The following ATCAY variants were observed in gnomAD, a reference collection of about 807,000 sequenced individuals.
ATCAY encodes ATCAY kinesin light chain interacting caytaxin, also known as caytaxin.
ATCAY carries 22 observed loss-of-function variants against 47.7 expected under a neutral mutation model. That is an observed-to-expected ratio of 0.46 (90% confidence interval 0.33 to 0.66). The LOEUF is 0.66. Among genes scored for constraint, ATCAY ranks in the 30% least tolerant of loss-of-function variants. The pLI, the probability that ATCAY is intolerant of heterozygous loss-of-function variation, is 0.02. For missense variants in ATCAY, 452 were observed against 515.0 expected (o/e 0.88, Z 1.18); for synonymous variants, 216 against 207.6 (o/e 1.04, Z -0.35).
At chr19:3,920,567 T>A in intron 11 of ATCAY, 199 bp from the exon 12 acceptor site, 1 of 243,174 alleles carries the variant, frequency 4.1e-6, no homozygotes, top group Non-Finnish European at 7.7e-6. Flanking sequence ...GGTCTCGAAC[T>A]CCTGACCTCA....
At chr19:3,894,836 C>A (rs975480256) in intron 2 of ATCAY, among the ~76,000 whole-genome samples, 1 of 150,410 alleles carries the variant, frequency 6.6e-6, no homozygotes, top group Non-Finnish European at 1.5e-5. Flanking sequence ...AGGGTCCCAG[C>A]TACTCAGAAG....
chr19:3,905,448 C>A lies in ATCAY; in HGVS notation c.151C>A (p.Leu51Ile), dbSNP rs1266093961. ...VEDTSSPPNT[L>I]NFNGAHRKRK... ...TTTCCCTGCAGCTCCTCCCAACACG[C>A]TAAATTTCAACGGAGCGCATCGTAA... is the stretch of plus-strand genomic sequence containing the variant. Residue 51 changes from leucine (L) to isoleucine (I), a missense_variant, in exon 4 of 13, where the codon CTA (leucine) becomes ATA (isoleucine). Coordinates refer to ENST00000450849, the MANE Select transcript of ATCAY (RefSeq NM_033064.5). The A allele has an allele frequency of 2.5e-6, 4 of 1,610,290 alleles. No homozygotes were observed. The East Asian group carries it at 6.7e-5, about 27-fold the overall frequency.
intron 3 of ATCAY, 40 bp from the exon 4 acceptor site, chr19:3,905,394 G>A (rs1464235783): frequency 2.6e-6 from 4 of 1,527,598 alleles, no homozygotes; most frequent in South Asian, 1.2e-5. Flanking sequence ...GTAAAAGAGA[G>A]AAAGCAAAGA....
chr19:3,881,872 C>CAA (rs991605970), intron 1 of ATCAY, among the ~76,000 whole-genome samples: 9 of 144,468 alleles, frequency 6.2e-5, no homozygotes, highest in Non-Finnish European at 1.2e-4. Context: ...CACCGCCCCC[C>CAA]CCCCGACCCC....
intron 3 of ATCAY, among the ~76,000 whole-genome samples, chr19:3,904,450 C>T (rs1254217601): frequency 6.6e-6 from 1 of 152,196 alleles, no homozygotes; most frequent in Non-Finnish European, 1.5e-5. Context: ...GACTGAGGTT[C>T]CCCCAGGCAG....
chr19:3,889,949 CTTT>C (rs911051026), intron 2 of ATCAY, among the ~76,000 whole-genome samples: 1 of 144,450 alleles, frequency 6.9e-6, no homozygotes. Context: ...CTTTTCTTTT[CTTT>C]TTTTTTTTTT....
chr19:3,894,458 T>C (rs990646551), intron 2 of ATCAY, among the ~76,000 whole-genome samples: 9 of 134,324 alleles, frequency 6.7e-5, no homozygotes, highest in African/African-American at 2.6e-4. Context: ...CACTCCAGCC[T>C]GGGTGACAGA....
intron 12 of ATCAY, chr19:3,922,076 G>C: frequency 1.5e-6 from 1 of 687,292 alleles, no homozygotes. Flanking sequence ...AACTAGAGAA[G>C]CTGACCCAAG....
intron 2 of ATCAY, among the ~76,000 whole-genome samples, chr19:3,898,349 A>G (rs2038787045): frequency 6.6e-6 from 1 of 151,812 alleles, no homozygotes; most frequent in African/African-American, 2.4e-5. Flanking sequence ...CACCCAGCTA[A>G]TTGTTTTGTA....
At chr19:3,913,987 A>T (rs1347438526) in intron 9 of ATCAY, 131 bp downstream of exon 9, 1 of 725,522 alleles carries the variant, frequency 1.4e-6, no homozygotes, top group African/African-American at 1.8e-5. Context: ...CTGTAATCCC[A>T]GCACTTTGGG....
At chr19:3,900,482 C>A (rs1225590854) in intron 2 of ATCAY, among the ~76,000 whole-genome samples, 1 of 152,108 alleles carries the variant, frequency 6.6e-6, no homozygotes, top group Non-Finnish European at 1.5e-5. Context: ...TCCTGACACT[C>A]CTCTGGACTG....
At chr19:3,922,028 C>T (rs2039025536) in intron 12 of ATCAY, 4 of 635,680 alleles carry the variant, frequency 6.3e-6, no homozygotes, top group Non-Finnish European at 8.5e-6. Context: ...TTTATTTCTC[C>T]CAGCAGGGAT....
intron 8 of ATCAY, among the ~76,000 whole-genome samples, chr19:3,912,167 G>A (rs76620736): frequency 0.12 from 17,601 of 152,038 alleles, 1,135 homozygotes; most frequent in Middle Eastern, 0.2. Flanking sequence ...ACTCTTGCAC[G>A]AACCCAATAA....
At chr19:3,894,625 C>CAAA (rs56732320) in intron 2 of ATCAY, among the ~76,000 whole-genome samples, 34 of 75,126 alleles carry the variant, frequency 4.5e-4, no homozygotes, top group Admixed American at 2.1e-3. Context: ...CCTGTGTCTG[C>CAAA]AAAAAAAAAA....
chr19:3,912,319 T>A (rs548324118), intron 8 of ATCAY, among the ~76,000 whole-genome samples: 18 of 141,872 alleles, frequency 1.3e-4, no homozygotes, highest in African/African-American at 3.3e-4. Context: ...CAAAAAAAAA[T>A]TTTTTTTTTT....
At chr19:3,917,697 C>G (rs762215733) in intron 9 of ATCAY, 45 bp from the exon 10 acceptor site, 5 of 1,602,984 alleles carry the variant, frequency 3.1e-6, no homozygotes, top group Middle Eastern at 1.7e-4. Context: ...AAGTATATCT[C>G]AGGGGAAAGG....
At chr19:3,923,619 G>GGAT (rs1419442576) in intron 12 of ATCAY, among the ~76,000 whole-genome samples, 1 of 151,278 alleles carries the variant, frequency 6.6e-6, no homozygotes, top group Non-Finnish European at 1.5e-5. Flanking sequence ...GTGGATGAAT[G>GGAT]GATGGGTGGA....
chr19:3,902,986 T>G (rs1319972636), intron 3 of ATCAY, among the ~76,000 whole-genome samples: 1 of 152,154 alleles, frequency 6.6e-6, no homozygotes, highest in Non-Finnish European at 1.5e-5. Context: ...TATATACATT[T>G]TTTGGGAGAC....
At chr19:3,894,982 C>A in intron 2 of ATCAY, 1 of 337,612 alleles carries the variant, frequency 3.0e-6, no homozygotes, top group South Asian at 2.4e-5. Context: ...GCTGCCTCCT[C>A]AATGAGGCCT....
Sources: allele counts gnomAD v4.1 joint callset (sites outside exome capture counted in the v4.1 genomes callset), GRCh38; gene constraint gnomAD v4.1.1; transcripts MANE v1.5; gene names NCBI Gene and HGNC (gene_info 2026-07-23, HGNC 2026-07-21).